The following FNBP1L variants were observed in gnomAD, a reference collection of about 807,000 sequenced individuals.
FNBP1L encodes the protein formin-binding protein 1-like.
FNBP1L carries 36 observed loss-of-function variants against 91.2 expected under a neutral mutation model. The ratio of observed to expected loss-of-function variants is 0.39; its 90% CI spans 0.30 to 0.52. The LOEUF is 0.52. Ranked by LOEUF, FNBP1L falls within the 20% of genes least tolerant of loss-of-function variation. The probability of loss-of-function intolerance (pLI) is 0.66; values close to 1 mark genes in which losing one functional copy is unlikely to be tolerated. For missense variants in FNBP1L, 571 were observed against 732.1 expected (o/e 0.78, Z 2.54); for synonymous variants, 242 against 237.0 (o/e 1.02, Z -0.19).
At chr1:93,531,574 T>G (rs963779644) in intron 7 of FNBP1L, among the ~76,000 whole-genome samples, 1 of 152,156 alleles carries the variant, frequency 6.6e-6, no homozygotes, top group Non-Finnish European at 1.5e-5. Context: ...CACTTTTTCT[T>G]CTTTATAAGG....
chr1:93,479,682 A>G (rs1466606538), intron 1 of FNBP1L, among the ~76,000 whole-genome samples: 2 of 152,280 alleles, frequency 1.3e-5, no homozygotes, highest in African/African-American at 4.8e-5. Flanking sequence ...TATCTCTCCT[A>G]CTTGCACATT....
intron 10 of FNBP1L, among the ~76,000 whole-genome samples, chr1:93,540,101 G>T (rs1351773319): frequency 4.6e-5 from 7 of 151,990 alleles, no homozygotes. Flanking sequence ...TAGTTGGGAT[G>T]CTAGATAGAT....
chr1:93,493,963 A>G (rs890064286), intron 1 of FNBP1L, among the ~76,000 whole-genome samples: 1 of 152,182 alleles, frequency 6.6e-6, no homozygotes, highest in African/African-American at 2.4e-5. Context: ...AACTCCCTGG[A>G]CACTAACTAG....
intron 2 of FNBP1L, among the ~76,000 whole-genome samples, chr1:93,510,377 A>G (rs1376243400): frequency 5.3e-5 from 8 of 152,180 alleles, no homozygotes; most frequent in African/African-American, 1.7e-4. Context: ...GGGTACTCCA[A>G]CAGACCTGCA....
At chr1:93,482,863 C>G (rs1669758692) in intron 1 of FNBP1L, among the ~76,000 whole-genome samples, 1 of 151,880 alleles carries the variant, frequency 6.6e-6, no homozygotes, top group Non-Finnish European at 1.5e-5. Flanking sequence ...ACTAAAAATA[C>G]AAAAATTAGC....
chr1:93,470,307 G>A (rs539521287), intron 1 of FNBP1L, among the ~76,000 whole-genome samples: 110 of 151,940 alleles, frequency 7.2e-4, no homozygotes, highest in African/African-American at 2.4e-3. Context: ...ATTTTTTTGT[G>A]TGTGGATACA....
intron 1 of FNBP1L, among the ~76,000 whole-genome samples, chr1:93,497,156 G>A (rs2075116782): frequency 6.6e-6 from 1 of 151,796 alleles, no homozygotes; most frequent in Non-Finnish European, 1.5e-5. Flanking sequence ...TACAGACGGG[G>A]TTTCACCGTG....
chr1:93,536,254 T>C (rs1401718678), intron 9 of FNBP1L, 78 bp from the exon 10 acceptor site: 2 of 1,083,108 alleles, frequency 1.8e-6, no homozygotes, highest in Non-Finnish European at 2.4e-6. Flanking sequence ...AAAAGTATGT[T>C]GCCAAAAATA....
chr1:93,475,422 C>G (rs948304076), intron 1 of FNBP1L, among the ~76,000 whole-genome samples: 39 of 151,692 alleles, frequency 2.6e-4, no homozygotes, highest in African/African-American at 9.0e-4. Flanking sequence ...GCCTGTGGTC[C>G]CAGCTATTTG....
chr1:93,452,045 TTATG>T (rs1223745995), intron 1 of FNBP1L, among the ~76,000 whole-genome samples: 2 of 152,230 alleles, frequency 1.3e-5, no homozygotes, highest in Non-Finnish European at 2.9e-5. Flanking sequence ...GGTGGATAAT[TTATG>T]TATTATCCTC....
intron 2 of FNBP1L, 82 bp downstream of exon 2, chr1:93,499,665 G>A (rs1213866731): frequency 3.8e-6 from 3 of 789,912 alleles, no homozygotes; most frequent in Middle Eastern, 6.6e-4. Context: ...ATAGTCCAGA[G>A]GTTAAATTCT....
At chr1:93,493,973 G>C (rs1670181728) in intron 1 of FNBP1L, among the ~76,000 whole-genome samples, 1 of 152,152 alleles carries the variant, frequency 6.6e-6, no homozygotes. Flanking sequence ...ACACTAACTA[G>C]ATGTCTTACA....
chr1:93,520,081 T>G (rs1195675417), intron 2 of FNBP1L, among the ~76,000 whole-genome samples: 2 of 152,214 alleles, frequency 1.3e-5, no homozygotes, highest in Non-Finnish European at 2.9e-5. Flanking sequence ...CTTCCTTTTC[T>G]TTGTGTATCT....
chr1:93,540,921 A>G, intron 10 of FNBP1L, 121 bp from the exon 11 acceptor site: 1 of 716,666 alleles, frequency 1.4e-6, no homozygotes, highest in Non-Finnish European at 2.1e-6. Flanking sequence ...AATTGTTTGG[A>G]TTGTGAAATG....
At chr1:93,453,268 A>G (rs1002675850) in intron 1 of FNBP1L, among the ~76,000 whole-genome samples, 1 of 152,202 alleles carries the variant, frequency 6.6e-6, no homozygotes, top group African/African-American at 2.4e-5. Flanking sequence ...AGGATGAGTG[A>G]GAGGTATCAA....
intron 1 of FNBP1L, among the ~76,000 whole-genome samples, chr1:93,452,020 T>C (rs985252256): frequency 1.3e-5 from 2 of 152,146 alleles, no homozygotes; most frequent in African/African-American, 2.4e-5. Context: ...AAAATGTGGG[T>C]TGAGTGATAG....
intron 2 of FNBP1L, among the ~76,000 whole-genome samples, chr1:93,517,809 A>G (rs1671183252): frequency 6.6e-6 from 1 of 151,490 alleles, no homozygotes. Flanking sequence ...CAGTAGCCTC[A>G]TTCACATTCA....
At chr1:93,524,910 G>A (rs1024124610) in intron 5 of FNBP1L, among the ~76,000 whole-genome samples, 4 of 151,878 alleles carry the variant, frequency 2.6e-5, no homozygotes, top group South Asian at 2.1e-4. Context: ...AATTATAAAG[G>A]CATAATAATT....
intron 1 of FNBP1L, among the ~76,000 whole-genome samples, chr1:93,469,390 C>T (rs1669205546): frequency 6.6e-6 from 1 of 152,084 alleles, no homozygotes; most frequent in African/African-American, 2.4e-5. Context: ...CCAGCTTCAT[C>T]CATGTCTCTG....
Sources: allele counts gnomAD v4.1 joint callset (sites outside exome capture counted in the v4.1 genomes callset), GRCh38; gene constraint gnomAD v4.1.1; transcripts MANE v1.5; gene names NCBI Gene and HGNC (gene_info 2026-07-23, HGNC 2026-07-21).